The following UBR1 variants were observed in gnomAD, a reference collection of about 807,000 sequenced individuals.
UBR1 encodes the protein ubiquitin protein ligase E3 component n-recognin 1.
UBR1 carries 102 observed loss-of-function variants against 242.1 expected under a neutral mutation model. The ratio of observed to expected loss-of-function variants is 0.42; its 90% confidence interval spans 0.36 to 0.50. The LOEUF (loss-of-function observed/expected upper bound fraction) is 0.50, where lower values mean the gene tolerates loss of function less well. Ranked by LOEUF, UBR1 falls within the 20% of genes least tolerant of loss-of-function variation. The pLI, the probability that UBR1 is intolerant of heterozygous loss-of-function variation, is 0.01. For missense variants in UBR1, 1,772 were observed against 2,101.8 expected (o/e 0.84, Z 3.07); for synonymous variants, 675 against 684.8 (o/e 0.99, Z 0.22).
chr15:43,020,349 G>T (rs934544623), intron 27 of UBR1, among the ~76,000 whole-genome samples: 1 of 152,078 alleles, frequency 6.6e-6, no homozygotes, highest in Non-Finnish European at 1.5e-5. Context: ...CCTCATCTTT[G>T]ATTTATTTCC....
At chr15:43,034,282 A>AAATG (rs1470035265) in intron 19 of UBR1, among the ~76,000 whole-genome samples, 1 of 11,074 alleles carries the variant, frequency 9.0e-5, no homozygotes, top group Non-Finnish European at 3.2e-4. Flanking sequence ...ATAAATAAAT[A>AAATG]GATAAATAAA....
intron 1 of UBR1, among the ~76,000 whole-genome samples, chr15:43,092,835 A>G (rs1453948009): frequency 6.6e-6 from 1 of 152,208 alleles, no homozygotes; most frequent in Non-Finnish European, 1.5e-5. Context: ...TACAGGCGTG[A>G]GCCACCGCGC....
chr15:43,058,154 C>T (rs1395838277), intron 10 of UBR1, among the ~76,000 whole-genome samples, 187 bp downstream of exon 10: 3 of 152,124 alleles, frequency 2.0e-5, no homozygotes, highest in African/African-American at 7.2e-5. Flanking sequence ...AAATGATCCA[C>T]CCACCTCAGC....
chr15:43,023,473 C>A lies in UBR1; in HGVS notation c.2740-672G>T, dbSNP rs180698377. 2.6e-3 allele frequency among the ~76,000 whole-genome samples: 394 copies of A among 151,602 alleles called. 4 individuals are homozygous for A. The highest frequency in any genetic ancestry group is 0.02 in the Admixed American group (297 of 15,226). On this transcript the variant is annotated intron_variant, in intron 25 of 46. Transcript: ENST00000290650. ...AGGTGTGGTGGTGGGCATCTGTAATCCCAGCTGCTTGGGAGGCTGAGGCAG... is the reference window on the plus strand; with the variant it reads ...AGGTGTGGTGGTGGGCATCTGTAATACCAGCTGCTTGGGAGGCTGAGGCAG...
Position 42,952,462 on chromosome 15 carries a change from A to G in UBR1, c.4836-14T>C, listed in dbSNP as rs754932813. ...GACCGTGGGCACCTCAAAAGAGAAGAAAACATTTAGAGAATGATGGAAAAA... is the reference window on the plus strand; with the variant it reads ...GACCGTGGGCACCTCAAAAGAGAAGGAAACATTTAGAGAATGATGGAAAAA... On this transcript the variant is annotated splice_polypyrimidine_tract_variant and intron_variant, in intron 44 of 46. Coordinates refer to ENST00000290650, the MANE Select transcript of UBR1 (RefSeq NM_174916.3). The G allele has an allele frequency of 6.2e-7, 1 of 1,614,152 alleles. No homozygotes were observed. The highest frequency in any genetic ancestry group is 8.5e-7 in the Non-Finnish European group (1 of 1,179,972).
At chr15:43,085,776 C>T (rs572983988) in intron 2 of UBR1, among the ~76,000 whole-genome samples, 9 of 152,052 alleles carry the variant, frequency 5.9e-5, no homozygotes, top group African/African-American at 2.2e-4. Context: ...CCCAGCCAGA[C>T]GTGGTGGCGG....
chr15:43,026,397 G>C (rs1411120692), intron 23 of UBR1, 164 bp downstream of exon 23: 7 of 603,768 alleles, frequency 1.2e-5, no homozygotes, highest in African/African-American at 1.1e-4. Context: ...AATATTGCCT[G>C]TATACTAGAT....
chr15:42,969,627 G>A (rs750690547), intron 40 of UBR1, among the ~76,000 whole-genome samples: 1 of 152,078 alleles, frequency 6.6e-6, no homozygotes, highest in African/African-American at 2.4e-5. Context: ...AACTCCTTAA[G>A]CTGACAGGCA....
At chr15:42,950,563 T>C (rs949841903) in intron 45 of UBR1, 200 bp from the exon 46 acceptor site, 16 of 583,776 alleles carry the variant, frequency 2.7e-5, no homozygotes, top group African/African-American at 2.6e-4. Context: ...GTTGAAGCTA[T>C]AGAAAAGGAG....
Position 43,034,237 on chromosome 15 carries a change from A to AAAATAAATAAAT in UBR1, c.2191-1618_2191-1607dup, listed in dbSNP as rs35184791. ...GGTGACAGAGCAACACTCCATCTCA[A>AAAATAAATAAAT]AAATAAATAAATAAATAAATAAATA... On this transcript the variant is annotated intron_variant, in intron 19 of 46. Transcript: ENST00000290650. Among the ~76,000 whole-genome samples the AAAATAAATAAAT allele has an allele frequency of 6.8e-4, 75 of 110,920 alleles. 1 individual carries two copies. In the Middle Eastern group the frequency reaches 0.012, roughly 18 times the overall value. The allele number at this position is 110,920 out of a possible 152,430, so 72.8% of individuals were successfully genotyped here. A position where few individuals can be genotyped will look rare whatever the true frequency, so the allele number is the denominator to read the frequency against.
chr15:43,091,906 CAAAAA>C (rs58586323), intron 1 of UBR1: 1,184 of 178,772 alleles, frequency 6.6e-3, no homozygotes, highest in East Asian at 9.1e-3. Context: ...TACACCATCT[CAAAAA>C]AAAAAAAAAA....
At chr15:42,999,940 C>T (rs1310897614) in intron 32 of UBR1, among the ~76,000 whole-genome samples, 2 of 151,860 alleles carry the variant, frequency 1.3e-5, no homozygotes, top group African/African-American at 4.8e-5. Flanking sequence ...CAAAATTTAC[C>T]TATCTGGGCA....
chr15:42,963,833 C>T (rs1413823465), intron 42 of UBR1, 102 bp downstream of exon 42: 1 of 918,902 alleles, frequency 1.1e-6, no homozygotes, highest in Admixed American at 2.0e-5. Context: ...TTTGCCACCC[C>T]TTTAATCAGT....
intron 12 of UBR1, among the ~76,000 whole-genome samples, chr15:43,054,000 C>G (rs1180717448): frequency 2.0e-5 from 3 of 151,966 alleles, no homozygotes; most frequent in Admixed American, 1.3e-4. Flanking sequence ...TGGTTGAACC[C>G]ACAGATGTGG....
At chr15:43,035,253 T>C (rs2033317642) in intron 19 of UBR1, among the ~76,000 whole-genome samples, 2 of 152,238 alleles carry the variant, frequency 1.3e-5, no homozygotes, top group African/African-American at 2.4e-5. Flanking sequence ...AAAGTGATCA[T>C]TTCTAGGAAG....
In UBR1 at chr15:43,086,087, A is replaced by G. The variant is rs1042167924; in HGVS notation, c.235T>C (p.Phe79Leu). The G allele has an allele frequency of 3.7e-6, 6 of 1,614,096 alleles. No homozygotes were observed. Among genetic ancestry groups the G allele is most frequent in the Admixed American group, 1.7e-5 (1 of 60,012 alleles). Residue 79 changes from phenylalanine to leucine, a missense_variant, in exon 2 of 47, where the codon TTT becomes CTT. Around this residue, in one of 3 missense-constraint regions of UBR1, gnomAD observed 734 missense variants for 893.3 expected, o/e 0.82. Coordinates refer to ENST00000290650, the MANE Select transcript of UBR1 (RefSeq NM_174916.3). The stretch of plus-strand genomic sequence containing the variant: ...AAGCAAATATCTGGATCTTCTCCAA[A>G]TAAGTACCATTCCAGTGGAGTGAAT... ...SIFTPLEWYLFGEDPDICLEK... is the reference protein window; with the variant it reads ...SIFTPLEWYLLGEDPDICLEK...
At position 43,037,537 on chromosome 15, in the gene UBR1, C is replaced by T. The variant is rs578086273; in HGVS notation, c.2022+236G>A. Among the ~76,000 whole-genome samples the T allele has an allele frequency of 1.1e-4, 16 of 152,110 alleles. No homozygotes were observed. In the East Asian group the frequency reaches 1.5e-3, roughly 15 times the overall value. ...ATGGGGAGGACTCTGGTGGTACTACCGGCTTTCCCTTAATTTATCACACAA... is the reference window on the plus strand; with the variant it reads ...ATGGGGAGGACTCTGGTGGTACTACTGGCTTTCCCTTAATTTATCACACAA... On this transcript the variant is annotated intron_variant, in intron 17 of 46. Coordinates refer to ENST00000290650, the MANE Select transcript of UBR1 (RefSeq NM_174916.3).
At chr15:42,960,469 C>T (rs1307290124) in intron 43 of UBR1, among the ~76,000 whole-genome samples, 176 bp downstream of exon 43, 7 of 151,958 alleles carry the variant, frequency 4.6e-5, no homozygotes, top group Non-Finnish European at 1.5e-5. Context: ...ACAGCCACTC[C>T]AAGAAAAAAA....
intron 1 of UBR1, among the ~76,000 whole-genome samples, chr15:43,104,597 A>G (rs1596146843): frequency 6.6e-6 from 1 of 152,024 alleles, no homozygotes; most frequent in East Asian, 1.9e-4. Context: ...CCTTGTTCCT[A>G]CCTCCTAGAC....
Sources: allele counts gnomAD v4.1 joint callset (sites outside exome capture counted in the v4.1 genomes callset), GRCh38; gene constraint gnomAD v4.1.1; regional missense constraint gnomAD v4.1.1; transcripts MANE v1.5; gene names NCBI Gene and HGNC (gene_info 2026-07-23, HGNC 2026-07-21).